Variants in SGCZ observed in about 807,000 individuals in gnomAD.
SGCZ encodes the protein zeta-sarcoglycan.
Under a neutral mutation model 41.3 loss-of-function variants are expected in SGCZ, and 40 were observed. The ratio of observed to expected loss-of-function variants is 0.97; its 90% CI spans 0.75 to 1.26. The LOEUF is 1.26. Ranked by LOEUF, SGCZ falls within the 50% of genes most tolerant of loss-of-function variation. The probability of loss-of-function intolerance (pLI) is 0.00; values close to 1 mark genes in which losing one functional copy is unlikely to be tolerated. For missense variants in SGCZ, 552 were observed against 369.8 expected (o/e 1.49, Z -4.04); for synonymous variants, 206 against 137.5 (o/e 1.50, Z -3.49).
At chr8:14,216,654 C>T (rs142586865) in intron 4 of SGCZ, among the ~76,000 whole-genome samples, 17 of 152,114 alleles carry the variant, frequency 1.1e-4, no homozygotes, top group Admixed American at 2.0e-4. Flanking sequence ...ATCACATTAA[C>T]GGATCCAGAA....
intron 5 of SGCZ, among the ~76,000 whole-genome samples, chr8:14,153,962 T>C (rs1056582049): frequency 4.7e-5 from 7 of 149,632 alleles, no homozygotes; most frequent in Non-Finnish European, 1.0e-4. Flanking sequence ...CACACACACA[T>C]ATATATGAAG....
intron 1 of SGCZ, among the ~76,000 whole-genome samples, chr8:14,764,270 A>G (rs1313870779): frequency 6.6e-6 from 1 of 152,222 alleles, no homozygotes; most frequent in Non-Finnish European, 1.5e-5. Flanking sequence ...GCCCCAATTA[A>G]CTCAGACAAA....
At chr8:14,958,578 T>C (rs1483729836) in intron 1 of SGCZ, among the ~76,000 whole-genome samples, 1 of 151,926 alleles carries the variant, frequency 6.6e-6, no homozygotes, top group Non-Finnish European at 1.5e-5. Context: ...GGAAACTGAC[T>C]AGAAAGGATA....
chr8:14,139,417 A>T (rs1333623327), intron 5 of SGCZ, among the ~76,000 whole-genome samples: 1 of 152,196 alleles, frequency 6.6e-6, no homozygotes, highest in Non-Finnish European at 1.5e-5. Flanking sequence ...TGGCTTTTGA[A>T]ATGATTAACA....
intron 1 of SGCZ, among the ~76,000 whole-genome samples, chr8:15,208,984 T>A (rs778611000): frequency 1.3e-5 from 2 of 152,034 alleles, no homozygotes; most frequent in South Asian, 4.1e-4. Flanking sequence ...GCATTTGTTA[T>A]GAAAAAACTG....
intron 5 of SGCZ, among the ~76,000 whole-genome samples, chr8:14,115,125 C>A (rs1802484798): frequency 6.6e-6 from 1 of 151,842 alleles, no homozygotes; most frequent in South Asian, 2.1e-4. Context: ...GATATATATT[C>A]TCAGGAAATA....
chr8:14,899,384 A>T (rs1269882182), intron 1 of SGCZ, among the ~76,000 whole-genome samples: 2 of 152,218 alleles, frequency 1.3e-5, no homozygotes, highest in East Asian at 1.9e-4. Flanking sequence ...GAATGAGACT[A>T]TTCTGACCTT....
intron 3 of SGCZ, among the ~76,000 whole-genome samples, chr8:14,290,970 A>G (rs183547721): frequency 5.3e-5 from 8 of 152,270 alleles, no homozygotes; most frequent in African/African-American, 1.7e-4. Flanking sequence ...ATGGATAAAG[A>G]AAGTATTGTA....
chr8:14,114,783 T>G (rs113747414), intron 5 of SGCZ, among the ~76,000 whole-genome samples: 1 of 152,030 alleles, frequency 6.6e-6, no homozygotes, highest in Non-Finnish European at 1.5e-5. Context: ...GACTTCCATA[T>G]GGCTCTCATT....
chr8:14,916,704 G>GCTTTGTC (rs1563361485), intron 1 of SGCZ, among the ~76,000 whole-genome samples: 2 of 152,120 alleles, frequency 1.3e-5, no homozygotes, highest in Non-Finnish European at 1.5e-5. Context: ...TGTCAATCTA[G>GCTTTGTC]ACACGAGTAA....
At chr8:15,213,128 T>G (rs1249802971) in intron 1 of SGCZ, among the ~76,000 whole-genome samples, 1 of 152,004 alleles carries the variant, frequency 6.6e-6, no homozygotes, top group Admixed American at 6.6e-5. Flanking sequence ...CAAGCATAAT[T>G]GTATACTAAA....
At chr8:14,675,590 T>C (rs923369426) in intron 1 of SGCZ, among the ~76,000 whole-genome samples, 13 of 152,108 alleles carry the variant, frequency 8.5e-5, no homozygotes, top group African/African-American at 2.7e-4. Context: ...CCAAAAAATA[T>C]ACACTGAGCT....
chr8:15,064,836 T>C (rs543641478), intron 1 of SGCZ, among the ~76,000 whole-genome samples: 2 of 152,318 alleles, frequency 1.3e-5, no homozygotes, highest in Non-Finnish European at 2.9e-5. Flanking sequence ...TCTCAGTTAC[T>C]GGCTTTCTGT....
At chr8:14,463,405 T>TAA (rs55785142) in intron 2 of SGCZ, among the ~76,000 whole-genome samples, 4 of 128,420 alleles carry the variant, frequency 3.1e-5, no homozygotes, top group Non-Finnish European at 5.1e-5. Flanking sequence ...ACAAGTGGTG[T>TAA]AAAAAAAAAA....
intron 3 of SGCZ, among the ~76,000 whole-genome samples, chr8:14,251,309 G>T (rs1799276987): frequency 6.6e-6 from 1 of 152,178 alleles, no homozygotes; most frequent in East Asian, 1.9e-4. Flanking sequence ...TTTCTCTCAG[G>T]GATAATTAAT....
intron 2 of SGCZ, among the ~76,000 whole-genome samples, chr8:14,454,801 G>A (rs879511981): frequency 6.6e-6 from 1 of 152,108 alleles, no homozygotes; most frequent in Non-Finnish European, 1.5e-5. Flanking sequence ...TTTTAACGGA[G>A]GGTGCTGGAG....
In SGCZ at chr8:14,565,904, T is replaced by C. The variant is rs967566633; in HGVS notation, c.40-10978A>G. Reference sequence around the variant, plus strand: ...ACCTTATTGGAACGTCATTTTTTTTTCCACTCTGACAAACTTCTTTACATT... The same window carrying C: ...ACCTTATTGGAACGTCATTTTTTTTCCCACTCTGACAAACTTCTTTACATT... On this transcript the variant is annotated intron_variant, in intron 1 of 7. Coordinates refer to ENST00000382080, the MANE Select transcript of SGCZ (RefSeq NM_139167.4). Among the ~76,000 whole-genome samples, 6 of 152,168 alleles carry C rather than the reference T, an allele frequency of 3.9e-5. No homozygotes were observed. The East Asian group carries it at 9.6e-4, about 24-fold the overall frequency.
intron 2 of SGCZ, among the ~76,000 whole-genome samples, chr8:14,542,876 T>C (rs1803513233): frequency 6.6e-6 from 1 of 152,072 alleles, no homozygotes; most frequent in Admixed American, 6.6e-5. Context: ...CATCAAAGTA[T>C]CCAATGAGTT....
At chr8:14,774,773 T>C (rs1175905877) in intron 1 of SGCZ, among the ~76,000 whole-genome samples, 2 of 152,222 alleles carry the variant, frequency 1.3e-5, no homozygotes, top group African/African-American at 2.4e-5. Flanking sequence ...CAAACCAACA[T>C]GAACAAGTAT....
Sources: allele counts gnomAD v4.1 joint callset (sites outside exome capture counted in the v4.1 genomes callset), GRCh38; gene constraint gnomAD v4.1.1; transcripts MANE v1.5; gene names NCBI Gene and HGNC (gene_info 2026-07-23, HGNC 2026-07-21).